The following SV2B variants were observed in gnomAD, a reference collection of about 807,000 sequenced individuals.
SV2B encodes solute carrier family 22 member B2.
Under a neutral mutation model 73.9 loss-of-function variants are expected in SV2B, and 41 were observed. The observed-to-expected ratio is 0.56, with a 90% CI of 0.43 to 0.72. The LOEUF is 0.72. Among genes scored for constraint, SV2B ranks in the 30% least tolerant of loss-of-function variants. The probability of loss-of-function intolerance (pLI) is 0.00; values close to 1 mark genes in which losing one functional copy is unlikely to be tolerated. For synonymous variants in SV2B, 314 were observed against 314.2 expected (o/e 1.00, Z 0.01); for missense variants, 764 against 857.8 (o/e 0.89, Z 1.37).
intron 1 of SV2B, among the ~76,000 whole-genome samples, chr15:91,131,312 C>T (rs564393583): frequency 1.3e-4 from 19 of 150,846 alleles, no homozygotes; most frequent in South Asian, 4.2e-4. Context: ...ACAGCCCTCA[C>T]GGGGAATAAA....
intron 1 of SV2B, among the ~76,000 whole-genome samples, chr15:91,108,400 T>C (rs1361905639): frequency 6.6e-6 from 1 of 152,240 alleles, no homozygotes; most frequent in Admixed American, 6.5e-5. Context: ...ATGTGTAGTA[T>C]ATAGATGCAG....
At chr15:91,183,213 A>G (rs946845146) in intron 1 of SV2B, among the ~76,000 whole-genome samples, 2 of 152,222 alleles carry the variant, frequency 1.3e-5, no homozygotes, top group African/African-American at 2.4e-5. Context: ...AAAAATAGCT[A>G]TGATTACCAT....
chr15:91,206,068 T>C (rs1160303303), intron 1 of SV2B, among the ~76,000 whole-genome samples: 2 of 151,920 alleles, frequency 1.3e-5, no homozygotes, highest in African/African-American at 4.8e-5. Context: ...GACAGGGTCT[T>C]CCTCTGTTGC....
rs1282505486 is a variant in SV2B, at chr15:91,129,898, A to C, written c.-392+29535A>C. Among the ~76,000 whole-genome samples, 2 of 152,136 alleles carry C rather than the reference A, an allele frequency of 1.3e-5. No individual in the cohort carries two copies. The highest frequency in any genetic ancestry group is 2.9e-5 in the Non-Finnish European group (2 of 68,016). On this transcript the variant is annotated intron_variant, in intron 1 of 12. Transcript: ENST00000394232. This position sits in a 1 kb window ranked among gnomAD's most constrained non-coding sequence, Gnocchi z 5.1. ...TCATGCGGGGATCTCGGGAGGGTTA[A>C]GTGAGATAATGCATGTAACACGCTT...
rs1297749158 is a variant in SV2B at position 91,258,796 on chromosome 15, A to G, written c.918+242A>G. Among the ~76,000 whole-genome samples the G allele has an allele frequency of 6.6e-6, 1 of 152,000 alleles. No individual in the cohort carries two copies. Among genetic ancestry groups the G allele is most frequent in the African/African-American group, 2.4e-5 (1 of 41,378 alleles). On this transcript the variant is annotated intron_variant, in intron 5 of 12. Transcript: ENST00000394232. The surrounding 1 kb of genome is among the most constrained non-coding windows in gnomAD (Gnocchi z 4.7). ...AAGAGCTTGTGGAGCCCAGAGCAGGAGCTCTTTCCCAAGGCTGTGCAGTGG... is the reference window on the plus strand; with the variant it reads ...AAGAGCTTGTGGAGCCCAGAGCAGGGGCTCTTTCCCAAGGCTGTGCAGTGG...
Position 91,118,999 on chromosome 15 carries a change from G to A in SV2B, c.-392+18636G>A, listed in dbSNP as rs945293681. 1.3e-5 allele frequency among the ~76,000 whole-genome samples: 2 copies of A among 152,074 alleles called. No individual in the cohort carries two copies. Among genetic ancestry groups the A allele is most frequent in the Admixed American group, 6.5e-5 (1 of 15,268 alleles). On this transcript the variant is annotated intron_variant, in intron 1 of 12. Transcript: ENST00000394232. This position sits in a 1 kb window ranked among gnomAD's most constrained non-coding sequence, Gnocchi z 4.7. Reference sequence around the variant, plus strand: ...GCTGGCTGATCCGCTTGGGGCTCCCGGCTTTTACTCCTAATCCTCAGCTTC... The same window carrying A: ...GCTGGCTGATCCGCTTGGGGCTCCCAGCTTTTACTCCTAATCCTCAGCTTC...
In SV2B at chr15:91,130,777, C is replaced by T. The variant is rs529004285; in HGVS notation, c.-392+30414C>T. Among the ~76,000 whole-genome samples, 20 of 152,032 alleles carry T rather than the reference C, an allele frequency of 1.3e-4. No individual in the cohort carries two copies. Among genetic ancestry groups the T allele is most frequent in the Admixed American group, 1.2e-3 (19 of 15,272 alleles). On this transcript the variant is annotated intron_variant, in intron 1 of 12. Transcript: ENST00000394232. The surrounding 1 kb of genome is among the most constrained non-coding windows in gnomAD (Gnocchi z 5.6). ...GGTTCAGTGAGTCCTTCAAGACGTT[C>T]GGAGGTGAAAGCAAGGGGAGAATGT...
At chr15:91,256,181 G>A (rs142528815) in intron 4 of SV2B, among the ~76,000 whole-genome samples, 1 of 152,326 alleles carries the variant, frequency 6.6e-6, no homozygotes, top group African/African-American at 2.4e-5. Flanking sequence ...ACAGAGAAAA[G>A]TAGGGCAAGC....
chr15:91,201,378 G>A (rs1192723866), intron 1 of SV2B, among the ~76,000 whole-genome samples: 1 of 152,242 alleles, frequency 6.6e-6, no homozygotes, highest in Non-Finnish European at 1.5e-5. Flanking sequence ...GATAAGGTCA[G>A]TACAGATGTT....
intron 2 of SV2B, among the ~76,000 whole-genome samples, chr15:91,233,266 G>C (rs1351112198): frequency 6.6e-6 from 1 of 152,154 alleles, no homozygotes. Context: ...GCAAGAATCT[G>C]GGTGACCGAG....
At chr15:91,113,641 C>T (rs1231662867) in intron 1 of SV2B, among the ~76,000 whole-genome samples, 1 of 152,190 alleles carries the variant, frequency 6.6e-6, no homozygotes, top group Non-Finnish European at 1.5e-5. Context: ...GCATATACAT[C>T]TGAAAAGGCT....
chr15:91,213,726 A>G (rs2045938190), intron 1 of SV2B, among the ~76,000 whole-genome samples: 1 of 152,344 alleles, frequency 6.6e-6, no homozygotes, highest in South Asian at 2.1e-4. Context: ...TAAAGATACT[A>G]TACCACTCCT....
chr15:91,270,924 A>C (rs1230558822), intron 9 of SV2B, among the ~76,000 whole-genome samples: 57 of 115,784 alleles, frequency 4.9e-4, no homozygotes, highest in Middle Eastern at 6.0e-3. Context: ...GGACGATGGG[A>C]GGACGGTGAG....
chr15:91,123,147 G>T lies in SV2B; in HGVS notation c.-392+22784G>T, dbSNP rs186219944. 6.6e-6 allele frequency among the ~76,000 whole-genome samples: 1 copy of T among 151,766 alleles called. No homozygotes were observed. Among genetic ancestry groups the T allele is most frequent in the Non-Finnish European group, 1.5e-5 (1 of 67,954 alleles). On this transcript the variant is annotated intron_variant, in intron 1 of 12. Coordinates refer to ENST00000394232, the MANE Select transcript of SV2B (RefSeq NM_001323032.3). The surrounding 1 kb of genome is among the most constrained non-coding windows in gnomAD (Gnocchi z 4.7). Reference sequence around the variant, plus strand: ...AAATTAGCTAAGCATGGTGGTGTGCGCTTGTAGTCTCAGCTACCTGGGAGG... The same window carrying T: ...AAATTAGCTAAGCATGGTGGTGTGCTCTTGTAGTCTCAGCTACCTGGGAGG...
At position 91,236,854 on chromosome 15, in the gene SV2B, T is replaced by C. The variant is rs941824432; in HGVS notation, c.451+10140T>C. ...TGGTACCCAAACTGGAAGACGCAGA[T>C]GGCTGGGGCTTCTTTTGAGCATCTC... On this transcript the variant is annotated intron_variant, in intron 2 of 12. Transcript: ENST00000394232. The surrounding 1 kb of genome is among the most constrained non-coding windows in gnomAD (Gnocchi z 4.1). 1.3e-5 allele frequency among the ~76,000 whole-genome samples: 2 copies of C among 152,064 alleles called. No individual in the cohort carries two copies. The highest frequency in any genetic ancestry group is 2.9e-5 in the Non-Finnish European group (2 of 68,006).
chr15:91,218,931 G>A (rs998789006), intron 1 of SV2B, among the ~76,000 whole-genome samples: 1 of 151,998 alleles, frequency 6.6e-6, no homozygotes, highest in Admixed American at 6.6e-5. Flanking sequence ...TATATTTTGG[G>A]CTTGCTTTCT....
chr15:91,167,232 T>A (rs1395861241), intron 1 of SV2B, among the ~76,000 whole-genome samples: 1 of 152,192 alleles, frequency 6.6e-6, no homozygotes, highest in Non-Finnish European at 1.5e-5. Flanking sequence ...AATCTCAACA[T>A]CTGGTCATTT....
intron 2 of SV2B, among the ~76,000 whole-genome samples, chr15:91,249,791 G>A (rs942148820): frequency 6.6e-6 from 1 of 152,206 alleles, no homozygotes; most frequent in East Asian, 1.9e-4. Flanking sequence ...CTAGAAACAT[G>A]CAATCCGCCA....
intron 1 of SV2B, among the ~76,000 whole-genome samples, chr15:91,172,320 C>T (rs965469157): frequency 9.9e-5 from 15 of 152,226 alleles, no homozygotes; most frequent in African/African-American, 3.6e-4. Context: ...CCTCCTCACC[C>T]TTCCCAGTGT....
Sources: gnomAD v4.1 joint callset for allele counts (sites outside exome capture counted in the v4.1 genomes callset) on GRCh38, gnomAD v4.1.1 for gene constraint, Gnocchi (gnomAD v3.1) non-coding constraint, MANE v1.5 for transcripts, NCBI Gene and HGNC (gene_info 2026-07-23, HGNC 2026-07-21) for gene names.